Variants in PKHD1 observed in about 807,000 individuals in gnomAD.
PKHD1 encodes fibrocystin.
PKHD1 carries 291 observed loss-of-function variants against 412.0 expected under a neutral mutation model. That is an observed-to-expected ratio of 0.71 (90% CI 0.64 to 0.78). The LOEUF is 0.78. PKHD1 is among the 30% of genes least tolerant of loss of function. The probability of loss-of-function intolerance (pLI) is 0.00; values close to 1 mark genes in which losing one functional copy is unlikely to be tolerated. For missense variants in PKHD1, 4,825 were observed against 4,950.7 expected (o/e 0.97, Z 0.76); for synonymous variants, 1,777 against 1,821.5 (o/e 0.98, Z 0.62).
At chr6:51,653,737 A>G (rs1314235967) in intron 61 of PKHD1, among the ~76,000 whole-genome samples, 3 of 152,110 alleles carry the variant, frequency 2.0e-5, no homozygotes, top group Non-Finnish European at 4.4e-5. Context: ...TTAGGAGTTG[A>G]CTAGCTGTTA....
intron 50 of PKHD1, among the ~76,000 whole-genome samples, chr6:51,840,751 G>A (rs997149099): frequency 7.2e-5 from 11 of 152,078 alleles, no homozygotes; most frequent in Non-Finnish European, 1.6e-4. Flanking sequence ...TTCTTACCAA[G>A]TAAAGAGCGA....
At chr6:51,785,610 CA>C (rs1792729707) in intron 53 of PKHD1, among the ~76,000 whole-genome samples, 1 of 152,186 alleles carries the variant, frequency 6.6e-6, no homozygotes, top group Non-Finnish European at 1.5e-5. Context: ...CACTGTATCT[CA>C]TATTACTGAC....
At chr6:51,731,024 G>C (rs1341488003) in intron 60 of PKHD1, among the ~76,000 whole-genome samples, 1 of 152,128 alleles carries the variant, frequency 6.6e-6, no homozygotes, top group East Asian at 1.9e-4. Flanking sequence ...AGGCTCAGGT[G>C]ATCCTCTTAC....
At chr6:51,982,464 A>G (rs1466884896) in intron 35 of PKHD1, among the ~76,000 whole-genome samples, 2 of 136,842 alleles carry the variant, frequency 1.5e-5, no homozygotes, top group African/African-American at 2.6e-5. Flanking sequence ...GTTCTGTACT[A>G]AGAAAAATTC....
At chr6:51,664,493 C>A (rs939022280) in intron 60 of PKHD1, among the ~76,000 whole-genome samples, 2 of 152,168 alleles carry the variant, frequency 1.3e-5, no homozygotes, top group African/African-American at 4.8e-5. Flanking sequence ...AATGAAAATT[C>A]ACAAATCTTT....
At chr6:51,756,481 T>G (rs1787030817) in intron 55 of PKHD1, among the ~76,000 whole-genome samples, 1 of 152,188 alleles carries the variant, frequency 6.6e-6, no homozygotes, top group Admixed American at 6.5e-5. Context: ...ATTCCCACTT[T>G]TCATAATCTA....
At chr6:51,842,458 A>G (rs1770383872) in intron 50 of PKHD1, among the ~76,000 whole-genome samples, 1 of 152,206 alleles carries the variant, frequency 6.6e-6, no homozygotes, top group African/African-American at 2.4e-5. Flanking sequence ...TTGACCCCTG[A>G]CAGAATGTAC....
At chr6:51,864,035 A>G (rs914415748) in intron 48 of PKHD1, among the ~76,000 whole-genome samples, 5 of 152,206 alleles carry the variant, frequency 3.3e-5, no homozygotes, top group Non-Finnish European at 7.4e-5. Flanking sequence ...ATAAAGAGCT[A>G]GCACACAACA....
chr6:51,847,725 G>T (rs762173024), intron 50 of PKHD1, 50 bp downstream of exon 50: 23 of 1,275,574 alleles, frequency 1.8e-5, no homozygotes, highest in Non-Finnish European at 2.6e-5. Context: ...AGGGTGATTG[G>T]TGATTTCTGA....
In PKHD1 at chr6:51,952,265, C is replaced by T. The variant is rs1583536156; in HGVS notation, c.5908+7605G>A. Among the ~76,000 whole-genome samples the T allele has an allele frequency of 3.9e-5, 6 of 152,298 alleles. 1 individual carries two copies. The South Asian group carries it at 1.2e-3, about 32-fold the overall frequency. The stretch of plus-strand genomic sequence containing the variant: ...AGCCTTTGTCTCTGATCTCCTGATA[C>T]ACAAATAGTAAATAAAATTGGTCAC... On this transcript the variant is annotated intron_variant, in intron 36 of 66. Coordinates refer to ENST00000371117, the MANE Select transcript of PKHD1 (RefSeq NM_138694.4).
At chr6:51,794,581 T>C (rs1234190980) in intron 52 of PKHD1, among the ~76,000 whole-genome samples, 1 of 152,216 alleles carries the variant, frequency 6.6e-6, no homozygotes, top group Non-Finnish European at 1.5e-5. Context: ...ATCTTCATCA[T>C]GAAATCTTCA....
chr6:51,843,552 G>A (rs982606142), intron 50 of PKHD1, among the ~76,000 whole-genome samples: 8 of 152,150 alleles, frequency 5.3e-5, no homozygotes, highest in Admixed American at 3.3e-4. Flanking sequence ...GAGCAGTCAG[G>A]GCATCAAATC....
At chr6:52,001,027 C>A (rs2128098384) in intron 35 of PKHD1, among the ~76,000 whole-genome samples, 1 of 152,220 alleles carries the variant, frequency 6.6e-6, no homozygotes, top group East Asian at 1.9e-4. Context: ...TTCAAACACA[C>A]CAGGGGACTG....
intron 49 of PKHD1, among the ~76,000 whole-genome samples, chr6:51,854,611 G>A (rs6918230): frequency 2.6e-5 from 4 of 151,890 alleles, no homozygotes; most frequent in Non-Finnish European, 5.9e-5. Flanking sequence ...ATTCTGTCCC[G>A]GAGCCTCTGG....
At chr6:51,731,280 T>C (rs770842932) in intron 60 of PKHD1, among the ~76,000 whole-genome samples, 6 of 152,322 alleles carry the variant, frequency 3.9e-5, no homozygotes, top group South Asian at 2.1e-4. Context: ...AGAGCCAGTT[T>C]ATTATTATGG....
chr6:51,927,613 TATCA>T (rs762014439), intron 37 of PKHD1, among the ~76,000 whole-genome samples: 5 of 152,134 alleles, frequency 3.3e-5, no homozygotes, highest in Non-Finnish European at 5.9e-5. Context: ...GCTGCATAAG[TATCA>T]ATCACAGAGT....
At chr6:51,847,520 G>A (rs1771402166) in intron 50 of PKHD1, among the ~76,000 whole-genome samples, 1 of 152,084 alleles carries the variant, frequency 6.6e-6, no homozygotes, top group Non-Finnish European at 1.5e-5. Flanking sequence ...ATCCTTTGAG[G>A]TAGGCCCTAT....
intron 52 of PKHD1, among the ~76,000 whole-genome samples, chr6:51,820,587 CTTTAT>C (rs1474160137): frequency 6.6e-6 from 1 of 152,116 alleles, no homozygotes; most frequent in Non-Finnish European, 1.5e-5. Context: ...TATAATCCTA[CTTTAT>C]TTTATGTATC....
intron 37 of PKHD1, among the ~76,000 whole-genome samples, chr6:51,927,338 AC>A (rs1785812198): frequency 6.6e-6 from 1 of 152,018 alleles, no homozygotes; most frequent in Non-Finnish European, 1.5e-5. Flanking sequence ...GATGATAAGC[AC>A]CCCACATTAT....
Sources: gnomAD v4.1 joint callset for allele counts (sites outside exome capture counted in the v4.1 genomes callset) on GRCh38, gnomAD v4.1.1 for gene constraint, MANE v1.5 for transcripts, NCBI Gene and HGNC (gene_info 2026-07-23, HGNC 2026-07-21) for gene names.